ACSL4: variants seen among roughly 807,000 people sequenced by gnomAD.
ACSL4 encodes the protein acyl-CoA synthetase long chain family member 4.
ACSL4 carries 9 observed loss-of-function variants against 49.1 expected under a neutral mutation model. The observed-to-expected ratio is 0.18, with a 90% confidence interval of 0.11 to 0.32. The LOEUF (loss-of-function observed/expected upper bound fraction) is 0.32, where lower values mean the gene tolerates loss of function less well. Ranked by LOEUF, ACSL4 falls within the 10% of genes least tolerant of loss-of-function variation. ACSL4 has a pLI of 1.00. For synonymous variants in ACSL4, 191 were observed against 170.3 expected (o/e 1.12, Z -0.95); for missense variants, 333 against 493.7 (o/e 0.67, Z 3.08).
intron 1 of ACSL4, among the ~76,000 whole-genome samples, chrX:109,710,938 T>G (rs1297402058): frequency 8.9e-6 from 1 of 112,403 alleles, no homozygotes; most frequent in Non-Finnish European, 1.9e-5. Context: ...ATTAAACTTC[T>G]GGGCTCAAGT....
chrX:109,682,925 A>C, intron 3 of ACSL4, 29 bp from the exon 4 acceptor site: 1 of 1,172,001 alleles, frequency 8.5e-7, no homozygotes, highest in Non-Finnish European at 1.2e-6. Flanking sequence ...CTCTAATATT[A>C]GTATATTCAA....
At chrX:109,657,206 A>G (rs1440898368) in intron 15 of ACSL4, among the ~76,000 whole-genome samples, 1 of 111,688 alleles carries the variant, frequency 9.0e-6, no homozygotes, top group Admixed American at 9.5e-5. Context: ...ATTATCCAAA[A>G]CGTGTTTTTT....
At chrX:109,664,070 T>C (rs1922422016) in intron 12 of ACSL4, among the ~76,000 whole-genome samples, 1 of 111,630 alleles carries the variant, frequency 9.0e-6, no homozygotes, top group South Asian at 3.7e-4. Flanking sequence ...TTTTGTGTCA[T>C]AAAAGGATTA....
chrX:109,677,961 A>C (rs1265891502), intron 8 of ACSL4, 27 bp downstream of exon 8: 1 of 1,207,390 alleles, frequency 8.3e-7, no homozygotes, highest in Non-Finnish European at 1.1e-6. Context: ...TCATACGATC[A>C]TGCCAATATA....
intron 1 of ACSL4, among the ~76,000 whole-genome samples, chrX:109,711,862 CT>C (rs1926770880): frequency 9.0e-6 from 1 of 111,613 alleles, no homozygotes; most frequent in South Asian, 3.8e-4. Context: ...TCATGTCTGT[CT>C]TGATAACTAC....
chrX:109,708,973 C>T (rs748619265), intron 1 of ACSL4, among the ~76,000 whole-genome samples: 1 of 111,885 alleles, frequency 8.9e-6, no homozygotes, highest in African/African-American at 3.2e-5. Context: ...GGGTTCTGCA[C>T]AGATGAAAGT....
chrX:109,704,298 T>C (rs746710605), intron 1 of ACSL4, among the ~76,000 whole-genome samples: 1 of 112,063 alleles, frequency 8.9e-6, no homozygotes, highest in South Asian at 3.7e-4. Flanking sequence ...TTAAATAAGG[T>C]AAACATTACA....
intron 15 of ACSL4, among the ~76,000 whole-genome samples, chrX:109,653,249 A>G (rs1921308080): frequency 8.9e-6 from 1 of 111,865 alleles, no homozygotes; most frequent in Admixed American, 9.5e-5. Context: ...CAAAACTACA[A>G]TGAGATACCA....
Position 109,674,420 on chromosome X carries a change from T to C in ACSL4, c.984A>G (p.Thr328=). ...TACTCACCGGAACAGCAGCCATAAG[T>C]GTGGGCTTCAGTACAGTACAGTCTC... ...SKGDCTVLKP[T]LMAAVPEIMD... Residue 328 remains threonine (T), a synonymous_variant, in exon 9 of 16, where the codon ACA becomes ACG. Transcript: ENST00000672401. 6 of 1,207,650 alleles carry C rather than the reference T, an allele frequency of 5.0e-6. No homozygotes were observed. Among genetic ancestry groups the C allele is most frequent in the Non-Finnish European group, 6.7e-6 (6 of 891,481 alleles).
intron 1 of ACSL4, among the ~76,000 whole-genome samples, chrX:109,718,949 T>A (rs776391704): frequency 9.0e-6 from 1 of 111,376 alleles, no homozygotes; most frequent in East Asian, 2.8e-4. Context: ...CCTCCACTTT[T>A]AAGCTGGCAG....
chrX:109,645,310 C>T (rs369164628), intron 15 of ACSL4, among the ~76,000 whole-genome samples: 12 of 112,177 alleles, frequency 1.1e-4, no homozygotes, highest in African/African-American at 3.2e-4. Flanking sequence ...TCTCCCAGCA[C>T]GCAGCTGGAG....
At chrX:109,700,562 T>C (rs1285709191) in intron 1 of ACSL4, among the ~76,000 whole-genome samples, 1 of 106,394 alleles carries the variant, frequency 9.4e-6, no homozygotes, top group Non-Finnish European at 1.9e-5. Flanking sequence ...AAAGAATATA[T>C]GTGAATGTGT....
rs1015568825 is a variant in ACSL4 at position 109,650,746 on chromosome X, G to T, written c.1856-6560C>A. 2.7e-5 allele frequency among the ~76,000 whole-genome samples: 3 copies of T among 111,944 alleles called. No homozygotes were observed. The Admixed American group carries it at 2.8e-4, about 11-fold the overall frequency. ...CTATACCTTCTTAACACTATGCTTT[G>T]TTCAAAGTAGTTATCACCACCCAAC... On this transcript the variant is annotated intron_variant, in intron 15 of 15. Transcript: ENST00000672401.
At position 109,716,103 on chromosome X, in the gene ACSL4, G is replaced by C. The variant is rs759641520; in HGVS notation, c.-66+17036C>G. On this transcript the variant is annotated intron_variant, in intron 1 of 15. Coordinates refer to ENST00000672401, the MANE Select transcript of ACSL4 (RefSeq NM_001318510.2). ...TGGGTAATTACAGGTACATGTGCGTGCATTTGTTCAAGAAATACTCAGTAA... is the reference window on the plus strand; with the variant it reads ...TGGGTAATTACAGGTACATGTGCGTCCATTTGTTCAAGAAATACTCAGTAA... Among the ~76,000 whole-genome samples the C allele has an allele frequency of 4.5e-5, 5 of 111,644 alleles. No individual in the cohort carries two copies. In the East Asian group the frequency reaches 1.4e-3, roughly 31 times the overall value.
In ACSL4 at chrX:109,679,718, A is replaced by G. The variant is rs144999430; in HGVS notation, c.655+1280T>C. Among the ~76,000 whole-genome samples the G allele has an allele frequency of 1.2e-4, 14 of 112,453 alleles. No homozygotes were observed. In the East Asian group the frequency reaches 3.9e-3, roughly 31 times the overall value. On this transcript the variant is annotated intron_variant, in intron 6 of 15. Coordinates refer to ENST00000672401, the MANE Select transcript of ACSL4 (RefSeq NM_001318510.2). ...CTGTCTGTACCACAAAAACATATGT[A>G]TCCTATCTATTGCAGACATGAGTAG...
chrX:109,656,968 A>G (rs1921707765), intron 15 of ACSL4, among the ~76,000 whole-genome samples: 1 of 111,512 alleles, frequency 9.0e-6, no homozygotes, highest in African/African-American at 3.3e-5. Flanking sequence ...CTCTCCTGGC[A>G]TCTTGCCAAT....
At chrX:109,655,713 G>A (rs190282862) in intron 15 of ACSL4, among the ~76,000 whole-genome samples, 1 of 111,030 alleles carries the variant, frequency 9.0e-6, no homozygotes, top group East Asian at 2.8e-4. Flanking sequence ...CCCACACTAA[G>A]ATACATCATT....
intron 15 of ACSL4, among the ~76,000 whole-genome samples, chrX:109,653,146 T>G (rs2147372121): frequency 9.0e-6 from 1 of 110,952 alleles, no homozygotes; most frequent in Non-Finnish European, 1.9e-5. Flanking sequence ...AATTTGGCAA[T>G]GAGGAAAAAA....
intron 1 of ACSL4, among the ~76,000 whole-genome samples, chrX:109,713,087 G>A (rs5985402): frequency 0.41 from 44,394 of 108,588 alleles, 7,975 homozygotes; most frequent in Middle Eastern, 0.6. Flanking sequence ...AGGGAAGAAG[G>A]GAAGGGGAAG....
Sources: allele counts gnomAD v4.1 joint callset (sites outside exome capture counted in the v4.1 genomes callset), GRCh38; gene constraint gnomAD v4.1.1; transcripts MANE v1.5; gene names NCBI Gene and HGNC (gene_info 2026-07-23, HGNC 2026-07-21).